Variants in TGFBI observed in about 807,000 individuals in gnomAD.
TGFBI encodes the protein transforming growth factor beta induced.
A neutral mutation model predicts 73.7 loss-of-function variants in TGFBI; 50 were observed. The ratio of observed to expected loss-of-function variants is 0.68; its 90% confidence interval spans 0.54 to 0.86. TGFBI has a LOEUF of 0.86. TGFBI is among the 40% of genes least tolerant of loss of function. The probability of loss-of-function intolerance (pLI) is 0.00; values close to 1 mark genes in which losing one functional copy is unlikely to be tolerated. For synonymous variants in TGFBI, 362 were observed against 360.5 expected (o/e 1.00, Z -0.05); for missense variants, 839 against 877.0 (o/e 0.96, Z 0.55).
At chr5:136,034,989 C>T (rs1751188867) in intron 2 of TGFBI, among the ~76,000 whole-genome samples, 2 of 152,344 alleles carry the variant, frequency 1.3e-5, no homozygotes, top group East Asian at 3.9e-4. Flanking sequence ...AGAGAAAATG[C>T]TCTTTCCTTA....
At chr5:136,055,944 G>A in intron 11 of TGFBI, 128 bp downstream of exon 11, 1 of 986,182 alleles carries the variant, frequency 1.0e-6, no homozygotes, top group Non-Finnish European at 1.4e-6. Flanking sequence ...GTGCACTGCT[G>A]CGACCTTCCA....
intron 2 of TGFBI, among the ~76,000 whole-genome samples, chr5:136,043,156 G>A (rs767242295): frequency 2.0e-5 from 3 of 152,200 alleles, no homozygotes; most frequent in African/African-American, 4.8e-5. Context: ...TCACTCCACC[G>A]AAGGTACAGG....
chr5:136,032,208 A>T (rs1751132690), intron 1 of TGFBI, among the ~76,000 whole-genome samples: 1 of 152,200 alleles, frequency 6.6e-6, no homozygotes, highest in Non-Finnish European at 1.5e-5. Context: ...CTAGGGAGGC[A>T]TGGGCCTCTG....
At position 136,033,997 on chromosome 5, in the gene TGFBI, T is replaced by C. The variant is rs1297328823; in HGVS notation, c.233+136T>C. 16 of 755,424 alleles carry C rather than the reference T, an allele frequency of 2.1e-5. 1 individual carries two copies. The highest frequency in any genetic ancestry group is 1.5e-4 in the South Asian group (10 of 65,122). The allele number at this position is 755,424 out of a possible 1,614,324, so 46.8% of individuals were successfully genotyped here. A position where few individuals can be genotyped will look rare whatever the true frequency, so the allele number is the denominator to read the frequency against. ...TGCATGTGCGAACATGTCTGGGACC[T>C]GCGTGCTAGGGAGTGGCATTTTTAG... On this transcript the variant is annotated intron_variant, in intron 2 of 16. Coordinates refer to ENST00000442011, the MANE Select transcript of TGFBI (RefSeq NM_000358.3).
intron 10 of TGFBI, 109 bp from the exon 11 acceptor site, chr5:136,055,571 A>T: frequency 9.7e-7 from 1 of 1,036,018 alleles, no homozygotes; most frequent in Non-Finnish European, 1.3e-6. Flanking sequence ...CCCAGTGTAT[A>T]CTCCTTCATC....
chr5:136,056,885 G>A (rs1378344958), intron 12 of TGFBI, 90 bp downstream of exon 12: 2 of 1,440,244 alleles, frequency 1.4e-6, no homozygotes, highest in Non-Finnish European at 1.9e-6. Context: ...ATCAAGGATT[G>A]ACTTGAAGGG....
intron 2 of TGFBI, among the ~76,000 whole-genome samples, chr5:136,042,062 A>G (rs932082830): frequency 6.6e-6 from 1 of 152,190 alleles, no homozygotes; most frequent in African/African-American, 2.4e-5. Flanking sequence ...TTTCACACAG[A>G]CACTTTAGGA....
At chr5:136,035,351 C>T (rs1034723974) in intron 2 of TGFBI, among the ~76,000 whole-genome samples, 7 of 152,192 alleles carry the variant, frequency 4.6e-5, no homozygotes, top group African/African-American at 1.7e-4. Context: ...GGGCCGGGCA[C>T]AGTGGCTCAC....
intron 7 of TGFBI, 53 bp from the exon 8 acceptor site, chr5:136,052,854 T>C (rs1751559054): frequency 1.3e-6 from 2 of 1,561,716 alleles, no homozygotes; most frequent in South Asian, 2.3e-5. Context: ...AAGTGGTCCC[T>C]GAGGTTATCG....
At chr5:136,055,034 T>C (rs1751603308) in intron 10 of TGFBI, 173 bp downstream of exon 10, 1 of 788,598 alleles carries the variant, frequency 1.3e-6, no homozygotes, top group Admixed American at 2.7e-5. Flanking sequence ...TGCAGAAGGA[T>C]TGGAATCTCT....
chr5:136,039,146 C>T (rs1751284893), intron 2 of TGFBI, among the ~76,000 whole-genome samples: 1 of 152,164 alleles, frequency 6.6e-6, no homozygotes, highest in South Asian at 2.1e-4. Flanking sequence ...TCTGGAGTTT[C>T]TTTAGAAGCT....
chr5:136,046,871 C>A lies in TGFBI; in HGVS notation c.480C>A (p.Val160=). 1 of 1,613,568 alleles carries A rather than the reference C, an allele frequency of 6.2e-7. No individual in the cohort carries two copies. Among genetic ancestry groups the A allele is most frequent in the South Asian group, 1.1e-5 (1 of 90,998 alleles). ...CCTAGGAAGTGCTGGACTCCCTGGT[C>A]AGCAATGTCAACATTGAGCTGCTCA... ...SLPAEVLDSL[V]SNVNIELLNA... Residue 160 remains valine, a synonymous_variant, in exon 5 of 17, where the codon GTC becomes GTA. Transcript: ENST00000442011.
intron 13 of TGFBI, among the ~76,000 whole-genome samples, chr5:136,060,307 A>G (rs1172328809): frequency 2.6e-5 from 4 of 152,234 alleles, no homozygotes; most frequent in African/African-American, 9.6e-5. Context: ...CAAAGTGCTA[A>G]ATCCACACAG....
chr5:136,029,540 G>C (rs537716204), intron 1 of TGFBI, among the ~76,000 whole-genome samples: 1 of 152,206 alleles, frequency 6.6e-6, no homozygotes, highest in African/African-American at 2.4e-5. Flanking sequence ...CATAATCACC[G>C]TGGGAGGGTG....
At chr5:136,061,612 A>G (rs1751749405) in intron 15 of TGFBI, 33 bp downstream of exon 15, 5 of 1,582,012 alleles carry the variant, frequency 3.2e-6, no homozygotes, top group Non-Finnish European at 2.6e-6. Context: ...GCCTAGCCTG[A>G]GCAGCCTCAG....
chr5:136,058,900 C>T, intron 12 of TGFBI, 190 bp from the exon 13 acceptor site: 1 of 652,742 alleles, frequency 1.5e-6, no homozygotes, highest in Non-Finnish European at 2.5e-6. Flanking sequence ...GCTTTGTGTC[C>T]TCTGACCATT....
chr5:136,040,232 T>A (rs45510395), intron 2 of TGFBI, among the ~76,000 whole-genome samples: 98 of 152,326 alleles, frequency 6.4e-4, no homozygotes, highest in South Asian at 3.9e-3. Context: ...ACATAGACTT[T>A]GGGTTGACAT....
intron 2 of TGFBI, among the ~76,000 whole-genome samples, chr5:136,037,259 G>A (rs1751243388): frequency 6.6e-6 from 1 of 152,304 alleles, no homozygotes; most frequent in East Asian, 1.9e-4. Flanking sequence ...ATTCACTTTA[G>A]CATTTATTTC....
At chr5:136,036,388 A>T (rs1033661987) in intron 2 of TGFBI, among the ~76,000 whole-genome samples, 10 of 152,206 alleles carry the variant, frequency 6.6e-5, no homozygotes, top group African/African-American at 2.4e-4. Context: ...AGATAGAAAA[A>T]TATTATTTGA....
Sources: gnomAD v4.1 joint callset for allele counts (sites outside exome capture counted in the v4.1 genomes callset) on GRCh38, gnomAD v4.1.1 for gene constraint, MANE v1.5 for transcripts, NCBI Gene and HGNC (gene_info 2026-07-23, HGNC 2026-07-21) for gene names.